Variants in ODAD1 observed in about 807,000 individuals in gnomAD.
The protein encoded by ODAD1 is outer dynein arm-docking complex subunit 1.
Under a neutral mutation model 67.2 loss-of-function variants are expected in ODAD1, and 49 were observed. That is an observed-to-expected ratio of 0.73 (90% confidence interval 0.58 to 0.92). The LOEUF (loss-of-function observed/expected upper bound fraction) is 0.92, where lower values mean the gene tolerates loss of function less well. Ranked by LOEUF, ODAD1 falls within the 40% of genes least tolerant of loss-of-function variation. ODAD1 has a pLI of 0.00. For synonymous variants in ODAD1, 345 were observed against 393.7 expected, an observed-to-expected ratio of 0.88 and a Z score of 1.46; for missense variants, 897 against 953.7, an observed-to-expected ratio of 0.94 and a Z score of 0.78.
At chr19:48,302,569 G>T in intron 12 of ODAD1, 125 bp downstream of exon 12, 1 of 717,040 alleles carries the variant, frequency 1.4e-6, no homozygotes, top group Non-Finnish European at 2.3e-6. Context: ...AAGATGGACA[G>T]ATATGGGGCA....
At chr19:48,304,530 A>C (rs564579135) in intron 8 of ODAD1, among the ~76,000 whole-genome samples, 1 of 152,182 alleles carries the variant, frequency 6.6e-6, no homozygotes, top group East Asian at 1.9e-4. Flanking sequence ...GAGGCAAGAG[A>C]ATCGCTTGAA....
intron 5 of ODAD1, among the ~76,000 whole-genome samples, chr19:48,314,786 C>T (rs1032615915): frequency 6.6e-6 from 1 of 151,860 alleles, no homozygotes; most frequent in Non-Finnish European, 1.5e-5. Context: ...ACTAAAAATA[C>T]AAAAATTAGC....
chr19:48,300,807 G>A (rs915514026), intron 12 of ODAD1, among the ~76,000 whole-genome samples: 6 of 152,100 alleles, frequency 3.9e-5, no homozygotes, highest in East Asian at 1.9e-4. Flanking sequence ...GAGAGAGTAC[G>A]GCACACACGT....
rs746996781 is a variant in ODAD1 at position 48,318,494 on chromosome 19, G to A, written c.253C>T (p.Arg85Trp). 2.3e-5 allele frequency: 35 copies of A among 1,551,482 alleles called. 1 individual carries two copies. Among genetic ancestry groups the A allele is most frequent in the South Asian group, 8.3e-5 (7 of 84,062 alleles). Residue 85 changes from arginine to tryptophan, a missense_variant, in exon 5 of 16, where the codon CGG (arginine) becomes TGG (tryptophan). Coordinates refer to ENST00000674294, the MANE Select transcript of ODAD1 (RefSeq NM_001364171.2). ...SAAQNQVKRL[R>W]DSQRLENMDR... ...ATGTTCTCCAGCCGCTGACTGTCCC[G>A]AAGCCGCTTGACCTGGTTCTGGGCT...
intron 3 of ODAD1, 131 bp from the exon 4 acceptor site, chr19:48,318,943 A>C (rs1343124995): frequency 3.2e-6 from 2 of 625,436 alleles, no homozygotes; most frequent in African/African-American, 3.6e-5. Flanking sequence ...AGCCCCCAAC[A>C]CCCCTCTAGG....
intron 7 of ODAD1, among the ~76,000 whole-genome samples, chr19:48,308,753 G>A (rs1274186141): frequency 2.0e-5 from 3 of 151,880 alleles, no homozygotes; most frequent in Non-Finnish European, 4.4e-5. Flanking sequence ...CACAGAGCAG[G>A]CAGGATCCCC....
At chr19:48,297,896 G>C (rs919555901) in intron 14 of ODAD1, 104 bp downstream of exon 14, 1 of 952,658 alleles carries the variant, frequency 1.0e-6, no homozygotes, top group East Asian at 2.6e-5. Flanking sequence ...GGCCACATCC[G>C]CCAGCCAGTC....
At chr19:48,317,681 AT>A (rs534720024) in intron 5 of ODAD1, among the ~76,000 whole-genome samples, 26,217 of 144,064 alleles carry the variant, frequency 0.18, 2,539 homozygotes, top group African/African-American at 0.25. Flanking sequence ...AATAGCCCCG[AT>A]TTTTTTTTTT....
chr19:48,318,602 G>A (rs764681212), intron 4 of ODAD1, 26 bp from the exon 5 acceptor site: 2 of 1,547,988 alleles, frequency 1.3e-6, no homozygotes, highest in Admixed American at 2.0e-5. Context: ...GGTGGAAGAG[G>A]GGCCAGTAAG....
intron 6 of ODAD1, 148 bp downstream of exon 6, chr19:48,311,846 T>A (rs1968772811): frequency 3.6e-6 from 3 of 832,372 alleles, no homozygotes; most frequent in Non-Finnish European, 5.7e-6. Flanking sequence ...ATCATTCTCC[T>A]TTCCTTGGGA....
At chr19:48,300,976 T>G (rs1369980647) in intron 12 of ODAD1, 1 of 152,118 alleles carries the variant, frequency 6.6e-6, no homozygotes, top group Admixed American at 6.6e-5. Context: ...AATACAAAAA[T>G]TAGCTGGGCG....
chr19:48,307,710 G>T (rs1968647599), intron 7 of ODAD1, among the ~76,000 whole-genome samples: 1 of 151,934 alleles, frequency 6.6e-6, no homozygotes, highest in Non-Finnish European at 1.5e-5. Context: ...AGCTACTCGG[G>T]AGGCTGAGGC....
chr19:48,311,245 G>T (rs1435514701), intron 7 of ODAD1, among the ~76,000 whole-genome samples: 2 of 152,098 alleles, frequency 1.3e-5, no homozygotes, highest in Admixed American at 6.6e-5. Context: ...AAAGAGAGGG[G>T]ACAGGGCTGG....
intron 1 of ODAD1, 60 bp downstream of exon 1, chr19:48,321,618 G>A (rs1287886737): frequency 2.7e-6 from 1 of 374,070 alleles, no homozygotes; most frequent in Non-Finnish European, 4.7e-6. Context: ...CTCAGGCCTT[G>A]AAGGCCTGCG....
rs555791749 is a variant in ODAD1, at chr19:48,307,597, C to G, written c.598-1274G>C. ...GTGGGAGGCCGAGGTGGGCGGATCA[C>G]GAGGTCAGGAGATCGAGACCATCCT... On this transcript the variant is annotated intron_variant, in intron 7 of 15. Coordinates refer to ENST00000674294, the MANE Select transcript of ODAD1 (RefSeq NM_001364171.2). Among the ~76,000 whole-genome samples, 39 of 152,142 alleles carry G rather than the reference C, an allele frequency of 2.6e-4. No homozygotes were observed. The South Asian group carries it at 7.7e-3, about 30-fold the overall frequency.
At chr19:48,307,959 C>T (rs988446727) in intron 7 of ODAD1, among the ~76,000 whole-genome samples, 2 of 152,062 alleles carry the variant, frequency 1.3e-5, no homozygotes, top group South Asian at 2.1e-4. Context: ...AGACTATCTT[C>T]GTGTGCCAGA....
intron 14 of ODAD1, 63 bp from the exon 15 acceptor site, chr19:48,297,731 T>G (rs1004744198): frequency 3.0e-6 from 4 of 1,312,472 alleles, no homozygotes; most frequent in African/African-American, 1.5e-5. Flanking sequence ...CCAGCGGCCC[T>G]TCCTGCTAAA....
Position 48,296,996 on chromosome 19 carries a change from TG to T in ODAD1, c.2103del (p.Ser702AlafsTer82), listed in dbSNP as rs1365929383. 22 of 1,605,308 alleles carry T rather than the reference TG, an allele frequency of 1.4e-5. No individual in the cohort carries two copies. The Admixed American group carries it at 3.2e-4, about 23-fold the overall frequency. ...PASSTGPGSS[T>X]SKDSRG ...TCGTGTTAGCCCCGGGAGTCTTTGC[TG>T]GTGGAGGAGCCCGGGCCAGTGCTGG... On this transcript the variant is annotated frameshift_variant, in exon 16 of 16. Transcript: ENST00000674294. LOFTEE classifies it high-confidence loss of function.
chr19:48,303,766 C>G lies in ODAD1; in HGVS notation c.872G>C (p.Gly291Ala). 2 of 1,611,040 alleles carry G rather than the reference C, an allele frequency of 1.2e-6. No individual in the cohort carries two copies. Among genetic ancestry groups the G allele is most frequent in the Non-Finnish European group, 1.7e-6 (2 of 1,178,290 alleles). ...CCTCTCCTGGGAGGTCTTCCAGACGCCCTCGGCCACCTCCCCGGCTAGGGG... is the reference window on the plus strand; with the variant it reads ...CCTCTCCTGGGAGGTCTTCCAGACGGCCTCGGCCACCTCCCCGGCTAGGGG... ...REKQAGEVAE[G>A]VWKTSQERLV... Residue 291 changes from glycine (G) to alanine (A), a missense_variant, in exon 10 of 16, where the codon GGC becomes GCC. By Grantham distance (60) the Gly-to-Ala change is moderately conservative. Transcript: ENST00000674294.
Sources: gnomAD v4.1 joint callset for allele counts (sites outside exome capture counted in the v4.1 genomes callset) on GRCh38, gnomAD v4.1.1 for gene constraint, MANE v1.5 for transcripts, NCBI Gene and HGNC (gene_info 2026-07-23, HGNC 2026-07-21) for gene names.